The following XPC variants were observed in gnomAD, a reference collection of about 807,000 sequenced individuals.
The protein encoded by XPC is XPC complex subunit, DNA damage recognition and repair factor, also known as DNA repair protein complementing XP-C cells.
A neutral mutation model predicts 95.8 loss-of-function variants in XPC; 76 were observed. The ratio of observed to expected loss-of-function variants is 0.79; its 90% CI spans 0.66 to 0.96. The LOEUF is 0.96. Among genes scored for constraint, XPC ranks in the 40% least tolerant of loss-of-function variants. The probability of loss-of-function intolerance (pLI) is 0.00; values close to 1 mark genes in which losing one functional copy is unlikely to be tolerated. For synonymous variants in XPC, 442 were observed against 442.1 expected, an observed-to-expected ratio of 1.00 and a Z score of 0.00; for missense variants, 1,146 against 1,179.8, an observed-to-expected ratio of 0.97 and a Z score of 0.42.
chr3:14,159,906 G>GGT, intron 7 of XPC, 76 bp from the exon 8 acceptor site: 8 of 1,410,158 alleles, frequency 5.7e-6, no homozygotes, highest in Non-Finnish European at 7.8e-6. Context: ...TGTTTGTTAT[G>GGT]GTGCTTGTTC....
chr3:14,145,510 T>C lies in XPC; in HGVS notation c.*431A>G, dbSNP rs1421154219. ...GGTCCGCAACCGAGGCGAGTGAACT[T>C]GTCGGACAGATGAAGACTCTAACTG... On this transcript the variant is annotated 3_prime_UTR_variant, in exon 16 of 16. Transcript: ENST00000285021. 4.3e-6 allele frequency: 3 copies of C among 699,014 alleles called. No homozygotes were observed. In the African/African-American group the frequency reaches 5.3e-5, roughly 12 times the overall value. The allele number at this position is 699,014 out of a possible 1,614,324, so 43.3% of individuals were successfully genotyped here. A position where few individuals can be genotyped will look rare whatever the true frequency, so the allele number is the denominator to read the frequency against.
At chr3:14,168,119 A>T in intron 4 of XPC, 138 bp downstream of exon 4, 1 of 1,223,070 alleles carries the variant, frequency 8.2e-7, no homozygotes, top group Non-Finnish European at 1.1e-6. Flanking sequence ...CTAAAGGTAA[A>T]TCAGGTTCCT....
chr3:14,145,474 A>G lies in XPC; in HGVS notation c.*467T>C. ...AGGGGAAGGTAAGTGGCCTGCAGAG[A>G]AATGGTCCTAGGTCCGCAACCGAGG... On this transcript the variant is annotated 3_prime_UTR_variant, in exon 16 of 16. Coordinates refer to ENST00000285021, the MANE Select transcript of XPC (RefSeq NM_004628.5). 4.3e-6 allele frequency: 3 copies of G among 696,026 alleles called. No individual in the cohort carries two copies. Among genetic ancestry groups the G allele is most frequent in the Non-Finnish European group, 7.9e-6 (3 of 381,384 alleles). The allele number at this position is 696,026 out of a possible 1,614,324, so 43.1% of individuals were successfully genotyped here.
intron 7 of XPC, among the ~76,000 whole-genome samples, chr3:14,160,605 C>G (rs1696131488): frequency 6.6e-6 from 1 of 152,146 alleles, no homozygotes; most frequent in Admixed American, 6.5e-5. Flanking sequence ...GTGTCAAGGT[C>G]ATGAAAGACA....
At chr3:14,178,420 C>G in intron 1 of XPC, 46 bp downstream of exon 1, 1 of 1,560,106 alleles carries the variant, frequency 6.4e-7, no homozygotes, top group Non-Finnish European at 8.6e-7. Context: ...GCCTCCTCCG[C>G]CCACCGGCGG....
chr3:14,178,224 G>A lies in XPC; in HGVS notation c.103+242C>T, dbSNP rs76281772. ...CTGTATCCTCTGGACAACGGGGAGC[G>A]GGAAAAAAGCTACGCAGGAGCTTGG... On this transcript the variant is annotated intron_variant, in intron 1 of 15. Coordinates refer to ENST00000285021, the MANE Select transcript of XPC (RefSeq NM_004628.5). 1,221 of 523,974 alleles carry A rather than the reference G, an allele frequency of 2.3e-3. 9 individuals carry two copies. Among genetic ancestry groups the A allele is most frequent in the African/African-American group, 0.022 (1,055 of 49,006 alleles). 32.5% of individuals were successfully genotyped at this position (523,974 alleles called of 1,614,324 possible).
In XPC at chr3:14,147,363, G is replaced by A. The variant is rs751767428; in HGVS notation, c.2531C>T (p.Ala844Val). The A allele has an allele frequency of 6.2e-6, 10 of 1,609,998 alleles. No individual in the cohort carries two copies. The highest frequency in any genetic ancestry group is 3.4e-5 in the Admixed American group (2 of 59,458). The change falls in exon 15 of 16, where the codon GCT becomes GTT. Residue 844 changes from alanine to valine, a missense_variant. Transcript: ENST00000285021. Reference sequence around the variant, plus strand: ...GGCCAGCAACTTCCAGTTCCCTAGAGCCCGCTTCTCCTTTTTCTGCAGGCA... The same window carrying A: ...GGCCAGCAACTTCCAGTTCCCTAGAACCCGCTTCTCCTTTTTCTGCAGGCA... The part of the protein sequence containing the change: ...RKEKEKKEKR[A>V]LGNWKLLAKG...
chr3:14,145,870 G>A lies in XPC; in HGVS notation c.*71C>T. 6 of 1,544,550 alleles carry A rather than the reference G, an allele frequency of 3.9e-6. No individual in the cohort carries two copies. Among genetic ancestry groups the A allele is most frequent in the Non-Finnish European group, 4.4e-6 (5 of 1,133,218 alleles). Reference sequence around the variant, plus strand: ...GCCCCCACCACCAGGGGCTGGGCATGCCCAGGGCAGGTGTGGGGCCTGTAG... The same window carrying A: ...GCCCCCACCACCAGGGGCTGGGCATACCCAGGGCAGGTGTGGGGCCTGTAG... On this transcript the variant is annotated 3_prime_UTR_variant, in exon 16 of 16. Coordinates refer to ENST00000285021, the MANE Select transcript of XPC (RefSeq NM_004628.5).
At position 14,178,028 on chromosome 3, in the gene XPC, T is replaced by A. The variant is rs188875784; in HGVS notation, c.103+438A>T. 3.3e-4 allele frequency among the ~76,000 whole-genome samples: 50 copies of A among 152,280 alleles called. 1 individual carries two copies. Among genetic ancestry groups the A allele is most frequent in the Admixed American group, 2.6e-4 (4 of 15,308 alleles). On this transcript the variant is annotated intron_variant, in intron 1 of 15. Transcript: ENST00000285021. ...GCCCATGACAAATGTAAGAAGCCTA[T>A]CAAATATCCATGAGGGGAAGTCAGG...
chr3:14,172,857 G>A lies in XPC; in HGVS notation c.299+10C>T. On this transcript the variant is annotated intron_variant, in intron 2 of 15. Transcript: ENST00000285021. ...TCAAGACCCGAGACAAAGCTTTGCA[G>A]ACATCTCACCTGAGGTCATCCCCAT... is the stretch of plus-strand genomic sequence containing the variant. 1 of 1,608,442 alleles carries A rather than the reference G, an allele frequency of 6.2e-7. No homozygotes were observed. The highest frequency in any genetic ancestry group is 8.5e-7 in the Non-Finnish European group (1 of 1,177,596).
chr3:14,178,520 G>T lies in XPC; in HGVS notation c.49C>A (p.Arg17Ser). 1.9e-6 allele frequency: 3 copies of T among 1,612,840 alleles called. No individual in the cohort carries two copies. The highest frequency in any genetic ancestry group is 2.5e-6 in the Non-Finnish European group (3 of 1,179,554). ...AGGEPRGREL[R>S]SQKSKAKSKA... is the part of the protein sequence containing the mutation. Reference sequence around the variant, plus strand: ...CTCTTGGCCTTGGATTTCTGGCTGCGCAGTTCGCGTCCCCGCGGCTCCCCG... The same window carrying T: ...CTCTTGGCCTTGGATTTCTGGCTGCTCAGTTCGCGTCCCCGCGGCTCCCCG... The change falls in exon 1 of 16, where the codon CGC becomes AGC. Residue 17 changes from arginine (R) to serine (S), a missense_variant. By Grantham distance (110) the Arg-to-Ser change is moderately radical. Transcript: ENST00000285021.
chr3:14,157,505 C>T (rs574927324), intron 9 of XPC, among the ~76,000 whole-genome samples: 4 of 152,098 alleles, frequency 2.6e-5, no homozygotes, highest in East Asian at 1.9e-4. Flanking sequence ...CTCTGCCTCC[C>T]GGTCTGCCTT....
chr3:14,172,149 T>C (rs987020827), intron 2 of XPC, among the ~76,000 whole-genome samples: 2 of 152,182 alleles, frequency 1.3e-5, no homozygotes, highest in Non-Finnish European at 2.9e-5. Context: ...GCTCATTCAT[T>C]GCAAAAATAC....
Position 14,165,545 on chromosome 3 carries a change from T to C in XPC, c.662A>G (p.Asn221Ser). 1 of 1,612,872 alleles carries C rather than the reference T, an allele frequency of 6.2e-7. No individual in the cohort carries two copies. Among genetic ancestry groups the C allele is most frequent in the Non-Finnish European group, 8.5e-7 (1 of 1,179,524 alleles). The change falls in exon 6 of 16, where the codon AAT (asparagine) becomes AGT (serine). Residue 221 changes from asparagine to serine, a missense_variant. Coordinates refer to ENST00000285021, the MANE Select transcript of XPC (RefSeq NM_004628.5). ...LCLLANGFYR[N>S]NICSQPDLHA... ...CAGATCTGGCTGGCTGCAGATGTTA[T>C]TTCGATAGAAGCCATTTGCTAGCAG...
chr3:14,159,539 C>T (rs1321466805), intron 8 of XPC, among the ~76,000 whole-genome samples: 2 of 152,172 alleles, frequency 1.3e-5, no homozygotes, highest in Non-Finnish European at 2.9e-5. Flanking sequence ...CTCTCACAGG[C>T]CACTCTGCAC....
In XPC at chr3:14,145,967, G is replaced by A. The variant is rs2125004531; in HGVS notation, c.2797C>T (p.His933Tyr). ...CACAGCTGCTCAAATGGGAACAGGT[G>A]GGAAGCTGCTGCTTTCTTTTCCCTT... ...TKREKKAAASHLFPFEQL is the reference protein window; with the variant it reads ...TKREKKAAASYLFPFEQL Residue 933 changes from histidine to tyrosine, a missense_variant, in exon 16 of 16, where the codon CAC becomes TAC. His to Tyr is a moderately conservative substitution (Grantham distance 83). Transcript: ENST00000285021. 1.2e-6 allele frequency: 2 copies of A among 1,608,514 alleles called. No individual in the cohort carries two copies. The highest frequency in any genetic ancestry group is 1.7e-6 in the Non-Finnish European group (2 of 1,175,910).
chr3:14,152,231 G>T, intron 11 of XPC, 104 bp downstream of exon 11: 2 of 914,218 alleles, frequency 2.2e-6, no homozygotes, highest in Non-Finnish European at 3.4e-6. Flanking sequence ...TCAGGATCCT[G>T]GGCAGGACTG....
intron 4 of XPC, 71 bp from the exon 5 acceptor site, chr3:14,167,324 T>G (rs1696425386): frequency 1.5e-6 from 2 of 1,332,902 alleles, no homozygotes; most frequent in Admixed American, 2.1e-5. Flanking sequence ...CCCAGGCAAT[T>G]CCTTCTCCTC....
chr3:14,154,363 G>C (rs1187022502), intron 10 of XPC, among the ~76,000 whole-genome samples: 1 of 152,130 alleles, frequency 6.6e-6, no homozygotes, highest in African/African-American at 2.4e-5. Flanking sequence ...GTTCACAGCA[G>C]CATAATTCAC....
Sources: gnomAD v4.1 joint callset for allele counts (sites outside exome capture counted in the v4.1 genomes callset) on GRCh38, gnomAD v4.1.1 for gene constraint, MANE v1.5 for transcripts, NCBI Gene and HGNC (gene_info 2026-07-23, HGNC 2026-07-21) for gene names.